Variants in ATP6V0A4 observed in about 807,000 individuals in gnomAD.
ATP6V0A4 encodes the protein ATPase H+ transporting V0 subunit a4.
ATP6V0A4 carries 86 observed loss-of-function variants against 107.3 expected under a neutral mutation model. The observed-to-expected ratio is 0.80, with a 90% CI of 0.67 to 0.96. ATP6V0A4 has a LOEUF of 0.96. ATP6V0A4 is among the 40% of genes least tolerant of loss of function. The pLI is 0.00. For missense variants in ATP6V0A4, 908 were observed against 1,045.6 expected, an observed-to-expected ratio of 0.87 and a Z score of 1.81; for synonymous variants, 353 against 381.4, an observed-to-expected ratio of 0.93 and a Z score of 0.87.
At chr7:138,707,665 G>T (rs915792713) in intron 21 of ATP6V0A4, among the ~76,000 whole-genome samples, 3 of 151,466 alleles carry the variant, frequency 2.0e-5, no homozygotes, top group Non-Finnish European at 4.4e-5. Context: ...GCCTCCCAAA[G>T]TGCTGGGATT....
intron 1 of ATP6V0A4, among the ~76,000 whole-genome samples, chr7:138,793,301 A>G (rs1490515315): frequency 6.6e-6 from 1 of 152,200 alleles, no homozygotes; most frequent in Non-Finnish European, 1.5e-5. Flanking sequence ...TCTCAAAAAT[A>G]TAAAAGAGAT....
intron 20 of ATP6V0A4, among the ~76,000 whole-genome samples, chr7:138,713,072 C>T (rs898638452): frequency 2.0e-5 from 3 of 151,262 alleles, no homozygotes; most frequent in East Asian, 1.9e-4. Flanking sequence ...GGGCAGATCA[C>T]GAGGTCAAGA....
Position 138,715,794 on chromosome 7 carries a change from G to A in ATP6V0A4, c.2227C>T (p.Arg743Trp), listed in dbSNP as rs770052600. The A allele has an allele frequency of 8.7e-6, 14 of 1,612,344 alleles. No homozygotes were observed. The highest frequency in any genetic ancestry group is 3.3e-5 in the Admixed American group (2 of 60,022). ...GCISNTASYL[R>W]LWALSLAHAQ... ...TGAGCCAGGCTGAGGGCCCAGAGCCGCAGGTAGGAGGCTGTGTTTGAAATG... is the reference window on the plus strand; with the variant it reads ...TGAGCCAGGCTGAGGGCCCAGAGCCACAGGTAGGAGGCTGTGTTTGAAATG... Residue 743 changes from arginine to tryptophan, a missense_variant, in exon 20 of 22, where the codon CGG (arginine) becomes TGG (tryptophan). Physicochemically the swap from Arg to Trp is moderately radical, Grantham distance 101. Coordinates refer to ENST00000310018, the MANE Select transcript of ATP6V0A4 (RefSeq NM_020632.3).
intron 2 of ATP6V0A4, among the ~76,000 whole-genome samples, chr7:138,771,660 C>A (rs1807396550): frequency 6.6e-6 from 1 of 152,174 alleles, no homozygotes; most frequent in African/African-American, 2.4e-5. Flanking sequence ...TGCTCTGTCA[C>A]CCAGGCTGGA....
At chr7:138,776,915 G>A (rs887493275) in intron 2 of ATP6V0A4, among the ~76,000 whole-genome samples, 1 of 152,112 alleles carries the variant, frequency 6.6e-6, no homozygotes, top group Admixed American at 6.5e-5. Context: ...GGGAGCCTGA[G>A]GCAGGAGGAT....
rs1347617945 is a variant in ATP6V0A4, at chr7:138,759,804, T to A, written c.587A>T (p.Asn196Ile). The change falls in exon 8 of 22, where the codon AAC (asparagine) becomes ATC (isoleucine). Residue 196 changes from asparagine (N) to isoleucine (I), a missense_variant. Physicochemically the swap from Asn to Ile is moderately radical, Grantham distance 149. Coordinates refer to ENST00000310018, the MANE Select transcript of ATP6V0A4 (RefSeq NM_020632.3). ...CATCTCACTGAACTTCAAGTACACG[T>A]TTCCTCGGCAGATTCGCCACAGTAA... The part of the protein sequence containing the change: ...ERLLWRICRG[N>I]VYLKFSEMDA... The A allele has an allele frequency of 6.2e-7, 1 of 1,614,144 alleles. No individual in the cohort carries two copies. The highest frequency in any genetic ancestry group is 1.7e-5 in the Admixed American group (1 of 60,016).
At chr7:138,707,171 T>C (rs1803430963) in intron 21 of ATP6V0A4, among the ~76,000 whole-genome samples, 1 of 63,608 alleles carries the variant, frequency 1.6e-5, no homozygotes, top group Non-Finnish European at 2.7e-5. Context: ...ATATATTATA[T>C]ATATTATATA....
chr7:138,737,579 CTTTTTT>C (rs373540257), intron 15 of ATP6V0A4, among the ~76,000 whole-genome samples: 1 of 134,644 alleles, frequency 7.4e-6, no homozygotes, highest in Non-Finnish European at 1.6e-5. Context: ...TTTTCTTTTT[CTTTTTT>C]TTTTTTTTTT....
At position 138,773,192 on chromosome 7, in the gene ATP6V0A4, G is replaced by A. The variant is rs35336496; in HGVS notation, c.-17-1928C>T. Among the ~76,000 whole-genome samples, 2,496 of 152,274 alleles carry A rather than the reference G, an allele frequency of 0.016. 24 individuals carry two copies. The highest frequency in any genetic ancestry group is 0.026 in the Non-Finnish European group (1,794 of 68,012). On this transcript the variant is annotated intron_variant, in intron 2 of 21. Transcript: ENST00000310018. The surrounding 1 kb of genome is among the most constrained non-coding windows in gnomAD (Gnocchi z 5.4). ...TCTAAAGTCCTCGAGCTGGCCAGCC[G>A]AAGGCTGCAGGACCTGGCCTCCTCT...
intron 11 of ATP6V0A4, 128 bp from the exon 12 acceptor site, chr7:138,749,445 T>C: frequency 9.8e-7 from 1 of 1,018,808 alleles, no homozygotes; most frequent in Non-Finnish European, 1.4e-6. Flanking sequence ...TCTTGATCTC[T>C]CTGAGACTCA....
intron 17 of ATP6V0A4, among the ~76,000 whole-genome samples, chr7:138,732,548 T>C (rs1805071379): frequency 6.6e-6 from 1 of 151,872 alleles, no homozygotes. Context: ...AATCCCAGCA[T>C]TTTGCGAGGC....
chr7:138,749,562 G>A (rs572262824), intron 11 of ATP6V0A4, among the ~76,000 whole-genome samples: 209 of 152,208 alleles, frequency 1.4e-3, no homozygotes, highest in Admixed American at 5.8e-3. Context: ...ACAATCTCCC[G>A]TCTCCTACTG....
Position 138,749,187 on chromosome 7 carries a change from C to T in ATP6V0A4, c.1160G>A (p.Ser387Asn). ...QNIVDAYGVG[S>N]YREINPAPYT... is the part of the protein sequence containing the mutation. ...TTTACCTGGGTTTATCTCCCGGTAG[C>T]TGCCGACACCATAGGCATCAACAAT... The change falls in exon 12 of 22, where the codon AGC becomes AAC. Residue 387 changes from serine to asparagine, a missense_variant. Transcript: ENST00000310018. The T allele has an allele frequency of 6.2e-7, 1 of 1,614,108 alleles. No individual in the cohort carries two copies. Among genetic ancestry groups the T allele is most frequent in the Non-Finnish European group, 8.5e-7 (1 of 1,180,016 alleles).
intron 11 of ATP6V0A4, among the ~76,000 whole-genome samples, chr7:138,752,048 G>A (rs982725621): frequency 6.6e-6 from 1 of 152,084 alleles, no homozygotes; most frequent in Admixed American, 6.6e-5. Flanking sequence ...CCCCCAAAAC[G>A]ATAGTCTAGC....
intron 18 of ATP6V0A4, among the ~76,000 whole-genome samples, chr7:138,727,478 A>G (rs887229702): frequency 1.8e-4 from 28 of 152,102 alleles, no homozygotes; most frequent in African/African-American, 6.8e-4. Flanking sequence ...CTTTATGAAT[A>G]CCTCATATAG....
rs60959857 is a variant in ATP6V0A4 at position 138,784,267 on chromosome 7, CATATAT to C, written c.-18+1885_-18+1890del. Among the ~76,000 whole-genome samples, 187 of 119,316 alleles carry C rather than the reference CATATAT, an allele frequency of 1.6e-3. 11 individuals carry two copies. In the South Asian group the frequency reaches 0.043, roughly 28 times the overall value. The allele number at this position is 119,316 out of a possible 152,430, so 78.3% of individuals were successfully genotyped here. Reference sequence around the variant, plus strand: ...ATATATATATACATATATATATATACATATATATATATACATATATATACACACACA... The same window carrying C: ...ATATATATATACATATATATATATACATATATACATATATATACACACACA... On this transcript the variant is annotated intron_variant, in intron 2 of 21. Coordinates refer to ENST00000310018, the MANE Select transcript of ATP6V0A4 (RefSeq NM_020632.3).
At chr7:138,707,203 ATATAT>A (rs1249620854) in intron 21 of ATP6V0A4, among the ~76,000 whole-genome samples, 7 of 70,598 alleles carry the variant, frequency 9.9e-5, no homozygotes, top group East Asian at 5.9e-4. Flanking sequence ...ATATTATATA[ATATAT>A]TATATTATAT....
intron 18 of ATP6V0A4, among the ~76,000 whole-genome samples, chr7:138,726,699 G>A (rs372737577): frequency 2.2e-4 from 33 of 152,222 alleles, no homozygotes; most frequent in South Asian, 1.2e-3. Context: ...TAATGTTTCC[G>A]ACACGAAAAG....
chr7:138,763,174 C>A, intron 5 of ATP6V0A4, 149 bp from the exon 6 acceptor site: 1 of 863,410 alleles, frequency 1.2e-6, no homozygotes. Context: ...CAGACACACA[C>A]AGACACACAC....
Sources: gnomAD v4.1 joint callset for allele counts (sites outside exome capture counted in the v4.1 genomes callset) on GRCh38, gnomAD v4.1.1 for gene constraint, Gnocchi (gnomAD v3.1) non-coding constraint, MANE v1.5 for transcripts, NCBI Gene and HGNC (gene_info 2026-07-23, HGNC 2026-07-21) for gene names.